PCDHGA8: variants seen among roughly 807,000 people sequenced by gnomAD.
PCDHGA8 encodes the protein protocadherin gamma-A8.
PCDHGA8 carries 45 observed loss-of-function variants against 59.2 expected under a neutral mutation model. The ratio of observed to expected loss-of-function variants is 0.76; its 90% CI spans 0.60 to 0.98. PCDHGA8 has a LOEUF of 0.98. Among genes scored for constraint, PCDHGA8 ranks in the 50% least tolerant of loss-of-function variants. PCDHGA8 has a pLI of 0.00. For missense variants in PCDHGA8, 1,257 were observed against 1,196.2 expected (o/e 1.05, Z -0.75); for synonymous variants, 531 against 519.0 (o/e 1.02, Z -0.32).
Position 141,447,179 on chromosome 5 carries a change from G to A in PCDHGA8, c.2425-47628G>A, listed in dbSNP as rs558348683. ...GTTTAAGCGGGGTCTTGCTCTTGTC[G>A]CGCAGGCTGGAGTGCAATGGCTTGA... On this transcript the variant is annotated intron_variant, in intron 1 of 3. Transcript: ENST00000398604. 4.6e-4 allele frequency among the ~76,000 whole-genome samples: 70 copies of A among 151,826 alleles called. 1 individual carries two copies. The highest frequency in any genetic ancestry group is 3.9e-4 in the East Asian group (2 of 5,158).
rs913767837 is a variant in PCDHGA8, at chr5:141,491,909, C to T, written c.2425-2898C>T. 8.5e-6 allele frequency: 12 copies of T among 1,403,834 alleles called. No individual in the cohort carries two copies. Among genetic ancestry groups the T allele is most frequent in the Non-Finnish European group, 1.1e-5 (12 of 1,057,326 alleles). 87.0% of individuals were successfully genotyped at this position (1,403,834 alleles called of 1,614,324 possible). A position where few individuals can be genotyped will look rare whatever the true frequency, so the allele number is the denominator to read the frequency against. Reference sequence around the variant, plus strand: ...GGGCTCCGAGCACCGGGGGTGGTGGCGACTGTGGGCGAGGGGAGGTGGGAC... The same window carrying T: ...GGGCTCCGAGCACCGGGGGTGGTGGTGACTGTGGGCGAGGGGAGGTGGGAC... On this transcript the variant is annotated intron_variant, in intron 1 of 3. Transcript: ENST00000398604. The surrounding 1 kb of genome is among the most constrained non-coding windows in gnomAD (Gnocchi z 6.9).
rs1240258760 is a variant in PCDHGA8 at position 141,423,933 on chromosome 5, GAAGT to G, written c.2424+28701_2424+28704del. On this transcript the variant is annotated intron_variant, in intron 1 of 3. Coordinates refer to ENST00000398604, the MANE Select transcript of PCDHGA8 (RefSeq NM_032088.2). The stretch of plus-strand genomic sequence containing the variant: ...CCATTCAACTATGCTGGTTTGGTTT[GAAGT>G]AAGTTGAATTTTAGTATTATTTTTC... 5 of 1,226,500 alleles carry G rather than the reference GAAGT, an allele frequency of 4.1e-6. No homozygotes were observed. The African/African-American group carries it at 7.9e-5, about 19-fold the overall frequency. The allele number at this position is 1,226,500 out of a possible 1,614,324, so 76.0% of individuals were successfully genotyped here. A position where few individuals can be genotyped will look rare whatever the true frequency, so the allele number is the denominator to read the frequency against.
chr5:141,476,309 A>G lies in PCDHGA8; in HGVS notation c.2425-18498A>G. ...GGATCTCGGTAGCCTCTCAGCCCGC[A>G]GGTTCCGGGTGGTGTCTGGAGCTAG... On this transcript the variant is annotated intron_variant, in intron 1 of 3. Transcript: ENST00000398604. The surrounding 1 kb of genome is among the most constrained non-coding windows in gnomAD (Gnocchi z 7.6). The G allele has an allele frequency of 6.2e-7, 1 of 1,613,966 alleles. No homozygotes were observed. Among genetic ancestry groups the G allele is most frequent in the Non-Finnish European group, 8.5e-7 (1 of 1,179,988 alleles).
At chr5:141,457,940 T>G (rs541807221) in intron 1 of PCDHGA8, among the ~76,000 whole-genome samples, 2 of 152,356 alleles carry the variant, frequency 1.3e-5, no homozygotes, top group East Asian at 3.9e-4. Flanking sequence ...TTTTATTGGC[T>G]CTGCATGTCA....
At chr5:141,459,831 G>A (rs907978430) in intron 1 of PCDHGA8, among the ~76,000 whole-genome samples, 1 of 152,150 alleles carries the variant, frequency 6.6e-6, no homozygotes, top group Admixed American at 6.6e-5. Context: ...CTTTTCATGT[G>A]TTGTCTATTT....
rs367744321 is a variant in PCDHGA8, at chr5:141,489,394, C to G, written c.2425-5413C>G. The G allele has an allele frequency of 3.7e-6, 6 of 1,614,008 alleles. No individual in the cohort carries two copies. In the African/African-American group the frequency reaches 6.7e-5, roughly 18 times the overall value. On this transcript the variant is annotated intron_variant, in intron 1 of 3. Transcript: ENST00000398604. The surrounding 1 kb of genome is among the most constrained non-coding windows in gnomAD (Gnocchi z 4.5). ...GCTGGTGGGGAATGTTGCTCAGGATCTGGGCTTAAAGATGACAGATCTGTT... is the reference window on the plus strand; with the variant it reads ...GCTGGTGGGGAATGTTGCTCAGGATGTGGGCTTAAAGATGACAGATCTGTT...
chr5:141,415,761 T>A (rs1047830043), intron 1 of PCDHGA8: 2 of 1,399,648 alleles, frequency 1.4e-6, no homozygotes, highest in African/African-American at 3.0e-5. Context: ...TTTTTTTTTT[T>A]TTTTTTTTTT....
At chr5:141,460,985 A>G (rs553462661) in intron 1 of PCDHGA8, among the ~76,000 whole-genome samples, 245 of 91,804 alleles carry the variant, frequency 2.7e-3, no homozygotes, top group Middle Eastern at 5.0e-3. Context: ...GTGTGTGTGT[A>G]TATATATATA....
intron 1 of PCDHGA8, chr5:141,419,710 C>T: frequency 6.2e-7 from 1 of 1,613,168 alleles, no homozygotes; most frequent in South Asian, 1.1e-5. Context: ...CCGGGCTCTT[C>T]AGCCTGGGGC....
intron 1 of PCDHGA8, among the ~76,000 whole-genome samples, chr5:141,401,393 A>G (rs2094149748): frequency 6.6e-6 from 1 of 152,202 alleles, no homozygotes. Context: ...ACTACATGTT[A>G]TGTGTATGAG....
Position 141,394,253 on chromosome 5 carries a change from C to A in PCDHGA8, c.1440C>A (p.Asp480Glu), listed in dbSNP as rs771138606. ...SIFSLTAHDP[D>E]SQENAQVTYS... is the part of the protein sequence containing the mutation. The stretch of plus-strand genomic sequence containing the variant: ...TTTCCTTGACTGCACACGACCCCGA[C>A]AGCCAGGAGAATGCCCAGGTCACTT... Residue 480 changes from aspartate to glutamate, a missense_variant, in exon 1 of 4, where the codon GAC becomes GAA. Asp to Glu is a conservative substitution (Grantham distance 45). Coordinates refer to ENST00000398604, the MANE Select transcript of PCDHGA8 (RefSeq NM_032088.2). 1 of 1,613,986 alleles carries A rather than the reference C, an allele frequency of 6.2e-7. No individual in the cohort carries two copies. The highest frequency in any genetic ancestry group is 1.7e-5 in the Admixed American group (1 of 60,028).
intron 1 of PCDHGA8, chr5:141,441,867 GCCTGGCTA>G (rs2098280856): frequency 1.2e-5 from 4 of 345,682 alleles, no homozygotes; most frequent in Non-Finnish European, 2.3e-5. Flanking sequence ...ACGCCGCGGA[GCCTGGCTA>G]CCTGGTCACC....
At chr5:141,424,832 A>G (rs2096843522) in intron 1 of PCDHGA8, among the ~76,000 whole-genome samples, 1 of 152,174 alleles carries the variant, frequency 6.6e-6, no homozygotes. Context: ...TGCCTGACAT[A>G]CATGTTATCT....
chr5:141,421,532 C>T lies in PCDHGA8; in HGVS notation c.2424+26295C>T, dbSNP rs557991200. On this transcript the variant is annotated intron_variant, in intron 1 of 3. Transcript: ENST00000398604. ...GAGGAGCTCTGTGAGACGGTGTCCT[C>T]CTGTTTTTTAAATATGGAACTTCTC... The T allele has an allele frequency of 1.4e-5, 23 of 1,613,996 alleles. No individual in the cohort carries two copies. In the African/African-American group the frequency reaches 2.4e-4, roughly 17 times the overall value.
At chr5:141,458,103 T>TA (rs1401283935) in intron 1 of PCDHGA8, among the ~76,000 whole-genome samples, 2 of 152,212 alleles carry the variant, frequency 1.3e-5, no homozygotes, top group Non-Finnish European at 2.9e-5. Context: ...TACTTACAGA[T>TA]AGTCTCCAAA....
chr5:141,393,160 T>A lies in PCDHGA8; in HGVS notation c.347T>A (p.Leu116His). Residue 116 changes from leucine to histidine, a missense_variant, in exon 1 of 4, where the codon CTC (leucine) becomes CAC (histidine). Physicochemically the swap from Leu to His is moderately conservative, Grantham distance 99. Coordinates refer to ENST00000398604, the MANE Select transcript of PCDHGA8 (RefSeq NM_032088.2). ...ACCCTGGTTGAGGATAAAGGAAAAC[T>A]CTTTGGGGTAGAAATAGAAATAATT... Reference protein sequence around the residue: ...INTLVEDKGKLFGVEIEIIDI... With the variant: ...INTLVEDKGKHFGVEIEIIDI... The A allele has an allele frequency of 6.2e-7, 1 of 1,613,204 alleles. No homozygotes were observed. Among genetic ancestry groups the A allele is most frequent in the Non-Finnish European group, 8.5e-7 (1 of 1,179,890 alleles).
intron 1 of PCDHGA8, chr5:141,403,227 G>T: frequency 1.9e-6 from 3 of 1,608,966 alleles, no homozygotes; most frequent in Non-Finnish European, 2.6e-6. Context: ...AGGATAGACC[G>T]GGAGGAGCTC....
At chr5:141,443,093 C>T (rs1316602934) in intron 1 of PCDHGA8, among the ~76,000 whole-genome samples, 2 of 151,940 alleles carry the variant, frequency 1.3e-5, no homozygotes, top group African/African-American at 4.8e-5. Flanking sequence ...CAGTCTCCTT[C>T]TCAAGCTGAA....
intron 3 of PCDHGA8, among the ~76,000 whole-genome samples, chr5:141,508,841 C>A (rs969875150): frequency 6.6e-6 from 1 of 152,140 alleles, no homozygotes; most frequent in East Asian, 1.9e-4. Context: ...TCCCCTACCC[C>A]TTCCATTCCC....
Sources: gnomAD v4.1 joint callset for allele counts (sites outside exome capture counted in the v4.1 genomes callset) on GRCh38, gnomAD v4.1.1 for gene constraint, Gnocchi (gnomAD v3.1) non-coding constraint, MANE v1.5 for transcripts, NCBI Gene and HGNC (gene_info 2026-07-23, HGNC 2026-07-21) for gene names.